NCAN: variants seen among roughly 807,000 people sequenced by gnomAD.
NCAN encodes neurocan, also known as neurocan core protein.
NCAN carries 47 observed loss-of-function variants against 121.8 expected under a neutral mutation model. The ratio of observed to expected loss-of-function variants is 0.39; its 90% CI spans 0.31 to 0.49. The LOEUF is 0.49. NCAN is among the 20% of genes least tolerant of loss of function. The pLI, the probability that NCAN is intolerant of heterozygous loss-of-function variation, is 0.92. For missense variants in NCAN, 1,517 were observed against 1,773.4 expected, an observed-to-expected ratio of 0.86 and a Z score of 2.60; for synonymous variants, 633 against 702.0, an observed-to-expected ratio of 0.90 and a Z score of 1.55.
At chr19:19,214,831 A>G (rs1301905341) in intron 1 of NCAN, among the ~76,000 whole-genome samples, 1 of 151,888 alleles carries the variant, frequency 6.6e-6, no homozygotes, top group African/African-American at 2.4e-5. Flanking sequence ...GGCAGGTGCA[A>G]CCCGGAGTCC....
At chr19:19,244,839 C>T (rs566824532) in intron 12 of NCAN, among the ~76,000 whole-genome samples, 6 of 151,506 alleles carry the variant, frequency 4.0e-5, no homozygotes, top group African/African-American at 1.5e-4. Context: ...AACAATTCTC[C>T]TGCTGGGATT....
chr19:19,238,107 A>G (rs2060888522), intron 10 of NCAN, 146 bp from the exon 11 acceptor site: 1 of 972,712 alleles, frequency 1.0e-6, no homozygotes, highest in Non-Finnish European at 1.6e-6. Context: ...GAGCCTCAGG[A>G]GGAGGGGCCA....
intron 3 of NCAN, among the ~76,000 whole-genome samples, chr19:19,219,922 G>A (rs1483670077): frequency 6.6e-6 from 1 of 151,628 alleles, no homozygotes; most frequent in African/African-American, 2.4e-5. Context: ...AGCTACTTGG[G>A]AGGCTGAGGC....
In NCAN at chr19:19,248,899, A is replaced by G; in HGVS notation, c.3820+17A>G. Reference sequence around the variant, plus strand: ...GCACCAAACGTAAGTAGCTTCTCCCAGAGATCTCAACATAGGTTTTTGGTA... The same window carrying G: ...GCACCAAACGTAAGTAGCTTCTCCCGGAGATCTCAACATAGGTTTTTGGTA... On this transcript the variant is annotated intron_variant, in intron 14 of 14. Transcript: ENST00000252575. 3 of 1,612,870 alleles carry G rather than the reference A, an allele frequency of 1.9e-6. No homozygotes were observed. Among genetic ancestry groups the G allele is most frequent in the Non-Finnish European group, 2.5e-6 (3 of 1,179,144 alleles).
rs758697684 is a variant in NCAN, at chr19:19,226,979, T to A, written c.1566T>A (p.Pro522=). ...TSEAAVNQME[P]PLAMAVTEML... Reference sequence around the variant, plus strand: ...AGGCTGCAGTGAACCAAATGGAGCCTCCGTTGGCCATGGCAGTCACAGAGA... The same window carrying A: ...AGGCTGCAGTGAACCAAATGGAGCCACCGTTGGCCATGGCAGTCACAGAGA... The change falls in exon 7 of 15, where the codon CCT becomes CCA. Residue 522 remains proline (P), a synonymous_variant. Coordinates refer to ENST00000252575, the MANE Select transcript of NCAN (RefSeq NM_004386.3). The A allele has an allele frequency of 1.3e-6, 2 of 1,539,250 alleles. No homozygotes were observed. The highest frequency in any genetic ancestry group is 1.7e-6 in the Non-Finnish European group (2 of 1,143,738).
At chr19:19,217,377 C>T (rs1390535397) in intron 2 of NCAN, among the ~76,000 whole-genome samples, 2 of 152,102 alleles carry the variant, frequency 1.3e-5, no homozygotes, top group Non-Finnish European at 2.9e-5. Context: ...TGGTCAAGAG[C>T]CCAGGTTTTA....
intron 8 of NCAN, among the ~76,000 whole-genome samples, chr19:19,230,827 T>A (rs2060856119): frequency 6.9e-6 from 1 of 145,590 alleles, no homozygotes; most frequent in African/African-American, 2.5e-5. Flanking sequence ...CAAGTGATCC[T>A]CCCACATCAG....
At chr19:19,245,159 C>T (rs992561696) in intron 12 of NCAN, among the ~76,000 whole-genome samples, 154 bp from the exon 13 acceptor site, 6 of 152,184 alleles carry the variant, frequency 3.9e-5, no homozygotes, top group African/African-American at 1.4e-4. Context: ...TGGCCCCCGT[C>T]AGGATGGGCA....
chr19:19,219,364 T>C, intron 3 of NCAN, 48 bp downstream of exon 3: 1 of 1,447,832 alleles, frequency 6.9e-7, no homozygotes, highest in Non-Finnish European at 9.1e-7. Context: ...GAGGGAGGGC[T>C]GAGCCTGGAG....
chr19:19,224,047 C>T lies in NCAN; in HGVS notation c.502C>T (p.Arg168Trp), dbSNP rs781045812. The T allele has an allele frequency of 7.7e-6, 12 of 1,564,318 alleles. No homozygotes were observed. The highest frequency in any genetic ancestry group is 2.3e-5 in the East Asian group (1 of 44,114). Reference sequence around the variant, plus strand: ...TGTTGTGTTCCACTACCGATCAGCCCGGGACCGCTATGCACTGACCTTCGC... The same window carrying T: ...TGTTGTGTTCCACTACCGATCAGCCTGGGACCGCTATGCACTGACCTTCGC... ...TGVVFHYRSARDRYALTFAEA... is the reference protein window; with the variant it reads ...TGVVFHYRSAWDRYALTFAEA... Residue 168 changes from arginine to tryptophan, a missense_variant, in exon 4 of 15, where the codon CGG (arginine) becomes TGG (tryptophan). Arg to Trp is a moderately radical substitution (Grantham distance 101). Transcript: ENST00000252575.
In NCAN at chr19:19,226,542, G is replaced by C. The variant is rs760043368; in HGVS notation, c.1129G>C (p.Gly377Arg). 2 of 1,612,840 alleles carry C rather than the reference G, an allele frequency of 1.2e-6. No individual in the cohort carries two copies. Among genetic ancestry groups the C allele is most frequent in the South Asian group, 1.1e-5 (1 of 91,066 alleles). Residue 377 changes from glycine to arginine, a missense_variant, in exon 7 of 15, where the codon GGG becomes CGG. Transcript: ENST00000252575. ...DLETPSSGDE[G>R]EILSAEGPPV... ...AGAGACCCCATCCTCTGGGGATGAG[G>C]GGGAGATTCTGTCAGCAGAGGGGCC...
chr19:19,221,913 TCAAAAA>T (rs1487417195), intron 3 of NCAN, among the ~76,000 whole-genome samples: 1 of 148,864 alleles, frequency 6.7e-6, no homozygotes, highest in African/African-American at 2.5e-5. Context: ...AAATAAATAG[TCAAAAA>T]CTAAAAATAA....
chr19:19,218,316 G>T (rs1438280501), intron 2 of NCAN, among the ~76,000 whole-genome samples: 1 of 151,650 alleles, frequency 6.6e-6, no homozygotes, highest in African/African-American at 2.4e-5. Context: ...ATAATAAGGG[G>T]CTGGGCACAG....
intron 11 of NCAN, among the ~76,000 whole-genome samples, chr19:19,239,522 C>T (rs998830661): frequency 7.3e-6 from 1 of 136,712 alleles, no homozygotes; most frequent in Non-Finnish European, 1.6e-5. Flanking sequence ...CTCCTCTCCT[C>T]CCCTTCCTCC....
chr19:19,238,283 A>C lies in NCAN; in HGVS notation c.3281A>C (p.Lys1094Thr), dbSNP rs909898380. ...GAGGGCTGTGACCGCGGCTGGCATA[A>C]GTTCCAGGGCCACTGTTACCGCTAT... ...DTEGCDRGWH[K>T]FQGHCYRYFA... The change falls in exon 11 of 15, where the codon AAG becomes ACG. Residue 1094 changes from lysine to threonine, a missense_variant. Physicochemically the swap from Lys to Thr is moderately conservative, Grantham distance 78 (BLOSUM62 -1). Coordinates refer to ENST00000252575, the MANE Select transcript of NCAN (RefSeq NM_004386.3). 2 of 1,614,070 alleles carry C rather than the reference A, an allele frequency of 1.2e-6. No individual in the cohort carries two copies. Among genetic ancestry groups the C allele is most frequent in the African/African-American group, 1.3e-5 (1 of 74,930 alleles).
Position 19,228,276 on chromosome 19 carries a change from G to T in NCAN, c.2656G>T (p.Ala886Ser). The T allele has an allele frequency of 3.1e-6, 5 of 1,613,994 alleles. No individual in the cohort carries two copies. The highest frequency in any genetic ancestry group is 4.2e-6 in the Non-Finnish European group (5 of 1,180,016). Residue 886 changes from alanine to serine, a missense_variant, in exon 8 of 15, where the codon GCC becomes TCC. Coordinates refer to ENST00000252575, the MANE Select transcript of NCAN (RefSeq NM_004386.3). ...GCAGGGGGACAAGGTTGGAGTTCCA[G>T]CCATGTCTACACTGGGCTCCTCAAG... ...LEQGDKVGVP[A>S]MSTLGSSSSQ...
Position 19,233,722 on chromosome 19 carries a change from T to G in NCAN, c.3020-67T>G. ...ATTAGAGTGGTTTGGGGGCCTGGGGTCTTGATTCCAGGAAGGCAAAAGATC... is the reference window on the plus strand; with the variant it reads ...ATTAGAGTGGTTTGGGGGCCTGGGGGCTTGATTCCAGGAAGGCAAAAGATC... On this transcript the variant is annotated intron_variant, in intron 8 of 14. Coordinates refer to ENST00000252575, the MANE Select transcript of NCAN (RefSeq NM_004386.3). The G allele has an allele frequency of 3.0e-6, 3 of 996,016 alleles. No homozygotes were observed. The South Asian group carries it at 3.9e-5, about 13-fold the overall frequency. 61.7% of individuals were successfully genotyped at this position (996,016 alleles called of 1,614,324 possible).
chr19:19,245,944 G>A (rs574018279), intron 13 of NCAN, among the ~76,000 whole-genome samples: 11 of 152,286 alleles, frequency 7.2e-5, no homozygotes, highest in Non-Finnish European at 1.2e-4. Context: ...GAAATAGGCC[G>A]CTCGGGGTGG....
Position 19,227,042 on chromosome 19 carries a change from T to A in NCAN, c.1629T>A (p.Asp543Glu), listed in dbSNP as rs1172837073. ...GSGQSRSPWA[D>E]LTNEVDMPGA... is the part of the protein sequence containing the mutation. The stretch of plus-strand genomic sequence containing the variant: ...GCCAGAGCCGGAGCCCCTGGGCTGA[T>A]CTGACCAATGAGGTGGATATGCCTG... The change falls in exon 7 of 15, where the codon GAT becomes GAA. Residue 543 changes from aspartate to glutamate, a missense_variant. Physicochemically the swap from Asp to Glu is conservative, Grantham distance 45 (BLOSUM62 2). Coordinates refer to ENST00000252575, the MANE Select transcript of NCAN (RefSeq NM_004386.3). This position sits in a 1 kb window ranked among gnomAD's most constrained non-coding sequence, Gnocchi z 4.2. The A allele has an allele frequency of 6.6e-7, 1 of 1,515,850 alleles. No homozygotes were observed. The highest frequency in any genetic ancestry group is 2.2e-5 in the Admixed American group (1 of 44,460). 93.9% of individuals were successfully genotyped at this position (1,515,850 alleles called of 1,614,324 possible). A position where few individuals can be genotyped will look rare whatever the true frequency, so the allele number is the denominator to read the frequency against.
Sources: gnomAD v4.1 joint callset for allele counts (sites outside exome capture counted in the v4.1 genomes callset) on GRCh38, gnomAD v4.1.1 for gene constraint, Gnocchi (gnomAD v3.1) non-coding constraint, MANE v1.5 for transcripts, NCBI Gene and HGNC (gene_info 2026-07-23, HGNC 2026-07-21) for gene names.